The following ZNF503 variants were observed in gnomAD, a reference collection of about 807,000 sequenced individuals.
The protein encoded by ZNF503 is NocA-like zinc finger 2.
ZNF503 carries 15 observed loss-of-function variants against 34.4 expected under a neutral mutation model. The observed-to-expected ratio is 0.44, with a 90% CI of 0.29 to 0.67. The LOEUF is 0.67. Among genes scored for constraint, ZNF503 ranks in the 30% least tolerant of loss-of-function variants. ZNF503 has a pLI of 0.13. For synonymous variants in ZNF503, 580 were observed against 456.8 expected (o/e 1.27, Z -3.44); for missense variants, 1,007 against 926.8 (o/e 1.09, Z -1.12).
At chr10:75,318,502 C>A in the ZNF503 span, among the ~76,000 whole-genome samples, 1 of 151,742 alleles carries the variant, frequency 6.6e-6, no homozygotes, top group African/African-American at 2.4e-5. Context: ...GACCCTGTCT[C>A]TAAAAAAAAT....
chr10:75,327,776 G>T, the ZNF503 span, among the ~76,000 whole-genome samples: 1 of 152,074 alleles, frequency 6.6e-6, no homozygotes, highest in East Asian at 1.9e-4. Context: ...AAATCTTTTT[G>T]ATAATAGCCA....
the ZNF503 span, among the ~76,000 whole-genome samples, chr10:75,290,023 G>A: frequency 1.3e-5 from 2 of 152,098 alleles, no homozygotes; most frequent in Admixed American, 6.6e-5. Flanking sequence ...CTCTGCCCCT[G>A]ACAACCACCA....
chr10:75,370,330 C>T, the ZNF503 span, among the ~76,000 whole-genome samples: 1 of 152,118 alleles, frequency 6.6e-6, no homozygotes, highest in Non-Finnish European at 1.5e-5. Flanking sequence ...AAGAATCTGC[C>T]AGCAAGACAA....
chr10:75,382,009 C>A, the ZNF503 span, among the ~76,000 whole-genome samples: 1 of 151,818 alleles, frequency 6.6e-6, no homozygotes, highest in East Asian at 1.9e-4. Flanking sequence ...AGGGTTTTAC[C>A]ATGTTGGCCA....
At position 75,399,712 on chromosome 10, in the gene ZNF503, G is replaced by T; in HGVS notation, c.978C>A (p.Pro326=). 8 of 1,598,428 alleles carry T rather than the reference G, an allele frequency of 5.0e-6. No homozygotes were observed. The highest frequency in any genetic ancestry group is 6.8e-6 in the Non-Finnish European group (8 of 1,178,062). The change falls in exon 2 of 2, where the codon CCC becomes CCA. Residue 326 remains proline (P), a synonymous_variant. Transcript: ENST00000372524. ...CAGAGCCCAACACTGAGGAGGAGGT[G>T]GGCGCGCTGGGGCCGGAGCCGGAGC... ...GSSSGSGPSA[P]TSSSVLGSGL...
chr10:75,308,092 A>T, the ZNF503 span, among the ~76,000 whole-genome samples: 1 of 151,626 alleles, frequency 6.6e-6, no homozygotes, highest in African/African-American at 2.4e-5. Context: ...TAAACAAAGG[A>T]GTTATGCTAT....
At chr10:75,326,724 C>T in the ZNF503 span, among the ~76,000 whole-genome samples, 1 of 151,554 alleles carries the variant, frequency 6.6e-6, no homozygotes, top group South Asian at 2.1e-4. Flanking sequence ...GACAAAGTCT[C>T]GCTGTGTGCC....
chr10:75,293,587 AC>A, the ZNF503 span, among the ~76,000 whole-genome samples: 5 of 134,040 alleles, frequency 3.7e-5, no homozygotes, highest in Admixed American at 7.4e-5. Flanking sequence ...TTCTCATAAC[AC>A]CCTCTGTCCT....
At chr10:75,389,789 G>A in the ZNF503 span, among the ~76,000 whole-genome samples, 2 of 152,158 alleles carry the variant, frequency 1.3e-5, no homozygotes, top group Non-Finnish European at 2.9e-5. Context: ...GGCACCATTT[G>A]TCTTCTTTAT....
At chr10:75,370,382 A>C in the ZNF503 span, among the ~76,000 whole-genome samples, 1 of 152,190 alleles carries the variant, frequency 6.6e-6, no homozygotes, top group Admixed American at 6.5e-5. Context: ...ATTCTGGCAC[A>C]CAAATCAATG....
At chr10:75,375,612 G>T in the ZNF503 span, among the ~76,000 whole-genome samples, 3 of 152,010 alleles carry the variant, frequency 2.0e-5, no homozygotes, top group Admixed American at 2.0e-4. Flanking sequence ...CACCTCCTGG[G>T]TTCAAGAGAT....
At chr10:75,336,037 C>A in the ZNF503 span, among the ~76,000 whole-genome samples, 1 of 152,200 alleles carries the variant, frequency 6.6e-6, no homozygotes, top group Non-Finnish European at 1.5e-5. Flanking sequence ...AGTTTCCAAT[C>A]ATAAGACTGG....
At position 75,401,451 on chromosome 10, in the gene ZNF503, G is replaced by A. The variant is rs1369306244; in HGVS notation, c.-32C>T. The A allele has an allele frequency of 1.3e-6, 2 of 1,519,414 alleles. No individual in the cohort carries two copies. Among genetic ancestry groups the A allele is most frequent in the Admixed American group, 2.1e-5 (1 of 48,470 alleles). 94.1% of individuals were successfully genotyped at this position (1,519,414 alleles called of 1,614,324 possible). ...CCCGCGCGCATGGGAGCAGCGGGGG[G>A]GAGGGCTCCGGGAGGCGCGGGGCGG... On this transcript the variant is annotated 5_prime_UTR_variant, in exon 1 of 2. Coordinates refer to ENST00000372524, the MANE Select transcript of ZNF503 (RefSeq NM_032772.6).
At chr10:75,346,268 G>A in the ZNF503 span, among the ~76,000 whole-genome samples, 1 of 152,102 alleles carries the variant, frequency 6.6e-6, no homozygotes, top group Admixed American at 6.6e-5. Flanking sequence ...CAAATGTGCA[G>A]ACCTGTGCAG....
At chr10:75,293,668 CAT>C in the ZNF503 span, among the ~76,000 whole-genome samples, 63 of 151,332 alleles carry the variant, frequency 4.2e-4, no homozygotes, top group Non-Finnish European at 7.7e-4. Flanking sequence ...TGTGTGTGCG[CAT>C]GTGTGTGTGT....
At chr10:75,337,363 A>C in the ZNF503 span, among the ~76,000 whole-genome samples, 1 of 151,088 alleles carries the variant, frequency 6.6e-6, no homozygotes, top group East Asian at 1.9e-4. Flanking sequence ...GGTGGCTCAC[A>C]CTTGTAATCC....
the ZNF503 span, chr10:75,373,393 T>C: frequency 6.6e-6 from 1 of 152,240 alleles, no homozygotes; most frequent in Non-Finnish European, 1.5e-5. Context: ...TCCTTACAGA[T>C]ATATCTCCTG....
the ZNF503 span, among the ~76,000 whole-genome samples, chr10:75,315,871 G>A: frequency 1.3e-5 from 2 of 152,182 alleles, no homozygotes; most frequent in African/African-American, 4.8e-5. Flanking sequence ...GACACACACA[G>A]ATTGAAAGTG....
chr10:75,399,140 T>G lies in ZNF503; in HGVS notation c.1550A>C (p.Asn517Thr). Residue 517 changes from asparagine to threonine, a missense_variant, in exon 2 of 2, where the codon AAC becomes ACC. Transcript: ENST00000372524. ...LPNDPLPHIC[N>T]WVSANGPCDK... ...GCACGGCCCGTTGGCCGACACCCAGTTGCAGATGTGGGGGAGTGGGTCGTT... is the reference window on the plus strand; with the variant it reads ...GCACGGCCCGTTGGCCGACACCCAGGTGCAGATGTGGGGGAGTGGGTCGTT... 6.2e-7 allele frequency: 1 copy of G among 1,613,466 alleles called. No individual in the cohort carries two copies. Among genetic ancestry groups the G allele is most frequent in the Non-Finnish European group, 8.5e-7 (1 of 1,179,696 alleles).
Sources: gnomAD v4.1 joint callset for allele counts (sites outside exome capture counted in the v4.1 genomes callset) on GRCh38, gnomAD v4.1.1 for gene constraint, MANE v1.5 for transcripts, NCBI Gene and HGNC (gene_info 2026-07-23, HGNC 2026-07-21) for gene names.